Variants in CDK14 observed in about 807,000 individuals in gnomAD.
CDK14 encodes cyclin dependent kinase 14.
In CDK14, 34 loss-of-function variants were observed where a neutral mutation model predicts 60.7. That is an observed-to-expected ratio of 0.56 (90% CI 0.43 to 0.75). The LOEUF (loss-of-function observed/expected upper bound fraction) is 0.75, where lower values mean the gene tolerates loss of function less well. CDK14 is among the 30% of genes least tolerant of loss of function. The pLI, the probability that CDK14 is intolerant of heterozygous loss-of-function variation, is 0.00. For missense variants in CDK14, 482 were observed against 564.1 expected (o/e 0.85, Z 1.47); for synonymous variants, 197 against 203.7 (o/e 0.97, Z 0.28).
chr7:91,115,387 C>T (rs1799577044), intron 13 of CDK14, among the ~76,000 whole-genome samples: 1 of 152,114 alleles, frequency 6.6e-6, no homozygotes, highest in African/African-American at 2.4e-5. Flanking sequence ...CAATCTCTTC[C>T]TCTTCTCACA....
rs746516838 is a variant in CDK14, at chr7:90,615,819, T to C, written c.123+11570T>C. Among the ~76,000 whole-genome samples the C allele has an allele frequency of 1.2e-4, 19 of 152,288 alleles. 1 individual carries two copies. Among genetic ancestry groups the C allele is most frequent in the East Asian group, 9.6e-4 (5 of 5,192 alleles). ...GTGGTAGAGGTGGAGGGTGAGAGTTTTCAAAGTGCTCTGTAAAGATTTTGG... is the reference window on the plus strand; with the variant it reads ...GTGGTAGAGGTGGAGGGTGAGAGTTCTCAAAGTGCTCTGTAAAGATTTTGG... On this transcript the variant is annotated intron_variant, in intron 2 of 14. Transcript: ENST00000380050.
At position 91,179,005 on chromosome 7, in the gene CDK14, C is replaced by T. The variant is rs540953104; in HGVS notation, c.*29-28160C>T. ...TCATGCTGCTATAAAGACACATGCACACATCTGTTTATTGCGGCATTATTC... is the reference window on the plus strand; with the variant it reads ...TCATGCTGCTATAAAGACACATGCATACATCTGTTTATTGCGGCATTATTC... On this transcript the variant is annotated intron_variant, in intron 14 of 14. Transcript: ENST00000380050. 2.6e-5 allele frequency among the ~76,000 whole-genome samples: 4 copies of T among 152,270 alleles called. No homozygotes were observed. The East Asian group carries it at 7.7e-4, about 29-fold the overall frequency.
At chr7:90,658,968 C>T (rs1800808615) in intron 2 of CDK14, among the ~76,000 whole-genome samples, 1 of 152,084 alleles carries the variant, frequency 6.6e-6, no homozygotes, top group African/African-American at 2.4e-5. Flanking sequence ...AGTATAGATT[C>T]AGGATGATAA....
chr7:91,105,119 A>G (rs776341977), intron 12 of CDK14, among the ~76,000 whole-genome samples: 1 of 152,216 alleles, frequency 6.6e-6, no homozygotes, highest in African/African-American at 2.4e-5. Context: ...AGAAGAAAAT[A>G]AGTAAAATCT....
Position 90,790,636 on chromosome 7 carries a change from C to T in CDK14, c.528C>T (p.Phe176=), listed in dbSNP as rs78919227. 1.0e-3 allele frequency: 1,665 copies of T among 1,611,888 alleles called. 18 individuals are homozygous for T. The African/African-American group carries it at 0.02, about 19-fold the overall frequency. Residue 176 remains phenylalanine (F), a synonymous_variant, in exon 5 of 15, where the codon TTC becomes TTT. Coordinates refer to ENST00000380050, the MANE Select transcript of CDK14 (RefSeq NM_001287135.2). ...TGCAGGAAGAAGAAGGGACACCTTT[C>T]ACAGCTATCAGGGAAGGTAGGCACT... ...IRLQEEEGTP[F]TAIREASLLK...
intron 4 of CDK14, among the ~76,000 whole-genome samples, chr7:90,760,118 GAC>G (rs556326933): frequency 6.6e-6 from 1 of 152,076 alleles, no homozygotes; most frequent in Non-Finnish European, 1.5e-5. Flanking sequence ...TGAATTAAAC[GAC>G]CTTATAAATT....
chr7:90,720,394 G>T (rs1054148333), intron 2 of CDK14, among the ~76,000 whole-genome samples: 1 of 152,162 alleles, frequency 6.6e-6, no homozygotes, highest in Non-Finnish European at 1.5e-5. Flanking sequence ...CGGACAGTGC[G>T]TAGAATGTCT....
At chr7:90,626,074 A>T (rs17867014) in intron 2 of CDK14, among the ~76,000 whole-genome samples, 1 of 152,166 alleles carries the variant, frequency 6.6e-6, no homozygotes, top group East Asian at 1.9e-4. Context: ...TGTGACTTCC[A>T]CTGGTAGCAC....
chr7:91,177,063 A>T (rs1313041787), intron 14 of CDK14, among the ~76,000 whole-genome samples: 6 of 149,708 alleles, frequency 4.0e-5, no homozygotes, highest in Admixed American at 4.0e-4. Flanking sequence ...ATCCTCAATA[A>T]AATACTGGCA....
At chr7:90,838,109 C>T (rs1790173154) in intron 5 of CDK14, among the ~76,000 whole-genome samples, 1 of 152,010 alleles carries the variant, frequency 6.6e-6, no homozygotes, top group Non-Finnish European at 1.5e-5. Flanking sequence ...GAAGCTGCGG[C>T]AGAAGAACAT....
At chr7:91,179,125 C>G (rs554777843) in intron 14 of CDK14, among the ~76,000 whole-genome samples, 13 of 151,984 alleles carry the variant, frequency 8.6e-5, no homozygotes, top group Non-Finnish European at 1.5e-4. Context: ...CAATGATAGA[C>G]TGGATTAAGA....
intron 11 of CDK14, among the ~76,000 whole-genome samples, chr7:91,063,671 A>G (rs1321736311): frequency 6.6e-6 from 1 of 152,216 alleles, no homozygotes; most frequent in East Asian, 1.9e-4. Context: ...AGGATTATAT[A>G]TCGGGAGTTA....
At chr7:91,015,702 T>C (rs1438044177) in intron 10 of CDK14, among the ~76,000 whole-genome samples, 1 of 151,672 alleles carries the variant, frequency 6.6e-6, no homozygotes, top group East Asian at 1.9e-4. Context: ...TAATTTTTTG[T>C]ATTTTTTTTA....
At chr7:90,955,599 AG>A in intron 8 of CDK14, 97 bp from the exon 9 acceptor site, 1 of 1,343,326 alleles carries the variant, frequency 7.4e-7, no homozygotes, top group Non-Finnish European at 1.0e-6. Flanking sequence ...CTGTATTAAA[AG>A]GTCGGGTTTG....
intron 4 of CDK14, among the ~76,000 whole-genome samples, chr7:90,751,204 A>G (rs1803830564): frequency 1.3e-5 from 2 of 152,290 alleles, no homozygotes; most frequent in Admixed American, 6.5e-5. Flanking sequence ...ATACTATATA[A>G]AATGAACACC....
chr7:90,782,274 G>A (rs571817063), intron 4 of CDK14, among the ~76,000 whole-genome samples: 1 of 152,218 alleles, frequency 6.6e-6, no homozygotes, highest in South Asian at 2.1e-4. Flanking sequence ...TTTTATACCT[G>A]AGACTTTGCT....
chr7:90,943,384 A>G (rs1440239242), intron 8 of CDK14, among the ~76,000 whole-genome samples: 1 of 152,324 alleles, frequency 6.6e-6, no homozygotes, highest in East Asian at 1.9e-4. Flanking sequence ...ACAGATTTAT[A>G]TACTGTCTGC....
chr7:90,892,904 A>T lies in CDK14; in HGVS notation c.640-6387A>T, dbSNP rs187072924. 3.3e-3 allele frequency among the ~76,000 whole-genome samples: 501 copies of T among 152,144 alleles called. 4 individuals are homozygous for T. Among genetic ancestry groups the T allele is most frequent in the Admixed American group, 5.6e-3 (85 of 15,288 alleles). Reference sequence around the variant, plus strand: ...AGCAGTTCTCCTGCCTCTGCCTCCCAATTAGCTGGGACTACAGGCGTGCAC... The same window carrying T: ...AGCAGTTCTCCTGCCTCTGCCTCCCTATTAGCTGGGACTACAGGCGTGCAC... On this transcript the variant is annotated intron_variant, in intron 6 of 14. Coordinates refer to ENST00000380050, the MANE Select transcript of CDK14 (RefSeq NM_001287135.2).
At chr7:91,171,936 G>A (rs1468310084) in intron 14 of CDK14, among the ~76,000 whole-genome samples, 3 of 152,004 alleles carry the variant, frequency 2.0e-5, no homozygotes, top group African/African-American at 4.8e-5. Flanking sequence ...CACTGCACCC[G>A]GCCCATATTT....
Sources: gnomAD v4.1 joint callset for allele counts (sites outside exome capture counted in the v4.1 genomes callset) on GRCh38, gnomAD v4.1.1 for gene constraint, MANE v1.5 for transcripts, NCBI Gene and HGNC (gene_info 2026-07-23, HGNC 2026-07-21) for gene names.